SLC36A1: variants seen among roughly 807,000 people sequenced by gnomAD.
The protein encoded by SLC36A1 is proton-coupled amino acid transporter 1.
Under a neutral mutation model 47.5 loss-of-function variants are expected in SLC36A1, and 30 were observed. The observed-to-expected ratio is 0.63, with a 90% confidence interval of 0.47 to 0.86. The LOEUF is 0.86. SLC36A1 is among the 40% of genes least tolerant of loss of function. The probability of loss-of-function intolerance (pLI) is 0.00; values close to 1 mark genes in which losing one functional copy is unlikely to be tolerated. For synonymous variants in SLC36A1, 255 were observed against 249.7 expected, an observed-to-expected ratio of 1.02 and a Z score of -0.20; for missense variants, 517 against 606.0, an observed-to-expected ratio of 0.85 and a Z score of 1.54.
At position 151,464,611 on chromosome 5, in the gene SLC36A1, C is replaced by T; in HGVS notation, c.323+9C>T. 1 of 1,612,878 alleles carries T rather than the reference C, an allele frequency of 6.2e-7. No homozygotes were observed. Among genetic ancestry groups the T allele is most frequent in the Non-Finnish European group, 8.5e-7 (1 of 1,178,996 alleles). On this transcript the variant is annotated intron_variant, in intron 4 of 10. Transcript: ENST00000243389. ...CACCACTTCTGCCGCAGGTGAGAGC[C>T]CTCTGAGCCACCTCTCAAGTGACAG...
At chr5:151,505,815 C>G in the SLC36A1 span, 4 of 1,613,660 alleles carry the variant, frequency 2.5e-6, no homozygotes, top group Non-Finnish European at 3.4e-6. Context: ...CTCATTGAGA[C>G]AGGGGGCAAC....
At chr5:151,473,632 CTTTTGCTTTG>C (rs3841626) in intron 7 of SLC36A1, 31 bp from the exon 8 acceptor site, 508,887 of 1,302,966 alleles carry the variant, frequency 0.39, 100,093 homozygotes, top group East Asian at 0.52. Context: ...TCTGTATAGC[CTTTTGCTTTG>C]TTTTGCTTTG....
chr5:151,429,736 A>G, the SLC36A1 span, among the ~76,000 whole-genome samples: 2 of 152,228 alleles, frequency 1.3e-5, no homozygotes, highest in African/African-American at 2.4e-5. Flanking sequence ...GTTATCCTGC[A>G]TCCTTAGAAG....
the SLC36A1 span, among the ~76,000 whole-genome samples, chr5:151,503,715 A>T: frequency 6.6e-6 from 1 of 152,098 alleles, no homozygotes; most frequent in Non-Finnish European, 1.5e-5. Context: ...CTTCTCCGTA[A>T]CTAATGCCAT....
chr5:151,379,402 T>C, the SLC36A1 span, among the ~76,000 whole-genome samples: 2 of 152,354 alleles, frequency 1.3e-5, no homozygotes, highest in African/African-American at 4.8e-5. Context: ...GGCACGATCT[T>C]GGCTCACTGC....
the SLC36A1 span, among the ~76,000 whole-genome samples, chr5:151,410,533 G>A: frequency 2.8e-5 from 4 of 143,512 alleles, 1 homozygote; most frequent in East Asian, 2.4e-4. Context: ...TATATATGGC[G>A]AGTCCATGAT....
intron 1 of SLC36A1, among the ~76,000 whole-genome samples, chr5:151,456,494 C>T (rs775424054): frequency 5.3e-5 from 8 of 152,194 alleles, no homozygotes; most frequent in Non-Finnish European, 7.3e-5. Context: ...AACTGATTTA[C>T]GAGCTTATAC....
chr5:151,456,688 A>G (rs983164408), intron 1 of SLC36A1, among the ~76,000 whole-genome samples: 15 of 152,192 alleles, frequency 9.9e-5, no homozygotes, highest in African/African-American at 3.6e-4. Flanking sequence ...GCTAGGCAGG[A>G]TCGTCTCTGG....
upstream of SLC36A1, among the ~76,000 whole-genome samples, chr5:151,433,249 TATATATATATATATA>T (rs1162744728): frequency 3.8e-4 from 6 of 15,894 alleles, no homozygotes; most frequent in African/African-American, 1.0e-3. Context: ...TATATATATA[TATATATATATATATA>T]TATTTTTTTT....
chr5:151,527,408 A>G, the SLC36A1 span: 7 of 1,557,384 alleles, frequency 4.5e-6, no homozygotes, highest in African/African-American at 1.4e-5. Flanking sequence ...GAGGTTAGCA[A>G]TGAGGTAGCT....
At chr5:151,346,921 T>G in the SLC36A1 span, among the ~76,000 whole-genome samples, 1 of 152,226 alleles carries the variant, frequency 6.6e-6, no homozygotes, top group African/African-American at 2.4e-5. Context: ...AGGACTCACC[T>G]TCTCCTCCAA....
chr5:151,512,769 G>C, the SLC36A1 span: 1 of 657,120 alleles, frequency 1.5e-6, no homozygotes, highest in Non-Finnish European at 2.6e-6. The surrounding 1 kb of genome is among the most constrained non-coding windows in gnomAD (Gnocchi z 4.1). Flanking sequence ...CCCTCAAAGT[G>C]CTTTTGTGTT....
At chr5:151,524,040 A>C in the SLC36A1 span, among the ~76,000 whole-genome samples, 17,043 of 151,878 alleles carry the variant, frequency 0.11, 1,751 homozygotes, top group African/African-American at 0.28. Flanking sequence ...CATCTTCTCC[A>C]TCACTCCGTG....
At chr5:151,554,861 G>A in the SLC36A1 span, among the ~76,000 whole-genome samples, 4 of 152,220 alleles carry the variant, frequency 2.6e-5, no homozygotes, top group Admixed American at 6.5e-5. Context: ...TGAGAACAGA[G>A]AAAGGAAGCA....
At chr5:151,534,497 G>A in the SLC36A1 span, 2 of 1,614,094 alleles carry the variant, frequency 1.2e-6, no homozygotes, top group Middle Eastern at 1.7e-4. Flanking sequence ...GGCTGGGGAA[G>A]AACCGCGGGG....
chr5:151,396,306 T>C, the SLC36A1 span, among the ~76,000 whole-genome samples: 1 of 151,336 alleles, frequency 6.6e-6, no homozygotes, highest in Non-Finnish European at 1.5e-5. Context: ...TTTCACCATA[T>C]TGGCCAGGCT....
the SLC36A1 span, chr5:151,545,458 T>A: frequency 5.6e-6 from 9 of 1,614,074 alleles, no homozygotes; most frequent in Non-Finnish European, 7.6e-6. Flanking sequence ...CATGAGAAGC[T>A]CCATGCCTGG....
At chr5:151,538,078 G>GA in the SLC36A1 span, 27 of 656,154 alleles carry the variant, frequency 4.1e-5, no homozygotes, top group Admixed American at 1.2e-4. Context: ...AAGAGAGACA[G>GA]AAAAAAGAAC....
At chr5:151,548,321 T>C in the SLC36A1 span, among the ~76,000 whole-genome samples, 1 of 151,604 alleles carries the variant, frequency 6.6e-6, no homozygotes, top group Non-Finnish European at 1.5e-5. Context: ...CTATTAAATA[T>C]CATTAATTAT....
Sources: gnomAD v4.1 joint callset for allele counts (sites outside exome capture counted in the v4.1 genomes callset) on GRCh38, gnomAD v4.1.1 for gene constraint, Gnocchi (gnomAD v3.1) non-coding constraint, MANE v1.5 for transcripts, NCBI Gene and HGNC (gene_info 2026-07-23, HGNC 2026-07-21) for gene names.